Variants in NDUFAF6 observed in about 807,000 individuals in gnomAD.
NDUFAF6 encodes NADH:ubiquinone oxidoreductase complex assembly factor 6.
In NDUFAF6, 45 loss-of-function variants were observed where a neutral mutation model predicts 40.8. The ratio of observed to expected loss-of-function variants is 1.10; its 90% CI spans 0.87 to 1.42. The LOEUF is 1.42. NDUFAF6 is among the 40% of genes most tolerant of loss of function. NDUFAF6 has a pLI of 0.00. For missense variants in NDUFAF6, 435 were observed against 418.5 expected (o/e 1.04, Z -0.34); for synonymous variants, 185 against 155.9 (o/e 1.19, Z -1.39).
rs71273438 is a variant in NDUFAF6 at position 94,946,696 on chromosome 8, C to CAAAAAAAAAAAAAAAAAAAAAAA, written c.-799+1079_-799+1101dup. ...TGGTCAACAGAGTAAGACCCTGTCTCAAAAAAAAAAAAAAAAAAAAAAAAG... is the reference window on the plus strand; with the variant it reads ...TGGTCAACAGAGTAAGACCCTGTCTCAAAAAAAAAAAAAAAAAAAAAAAAAAAAAAAAAAAAAAAAAAAAAAAG... On this transcript the variant is annotated intron_variant, in intron 2 of 14. Transcript: ENST00000396113. 2.4e-3 allele frequency among the ~76,000 whole-genome samples: 84 copies of CAAAAAAAAAAAAAAAAAAAAAAA among 34,690 alleles called. 9 individuals carry two copies. Among genetic ancestry groups the CAAAAAAAAAAAAAAAAAAAAAAA allele is most frequent in the Middle Eastern group, 0.019 (1 of 52 alleles). The allele number at this position is 34,690 out of a possible 152,430, so 22.8% of individuals were successfully genotyped here. A position where few individuals can be genotyped will look rare whatever the true frequency, so the allele number is the denominator to read the frequency against.
chr8:94,934,092 A>T (rs1300018183), intron 1 of NDUFAF6, among the ~76,000 whole-genome samples: 33 of 151,804 alleles, frequency 2.2e-4, no homozygotes, highest in East Asian at 5.8e-4. Flanking sequence ...AAAAAAAAAG[A>T]AGTATATATG....
chr8:95,113,940 G>C (rs1810068318), intron 4 of NDUFAF6, among the ~76,000 whole-genome samples: 1 of 149,086 alleles, frequency 6.7e-6, no homozygotes, highest in Non-Finnish European at 1.5e-5. Context: ...CTCACTCACA[G>C]GTGGGAATTG....
At chr8:95,025,304 G>C in intron 1 of NDUFAF6, 99 bp downstream of exon 1, 1 of 1,208,276 alleles carries the variant, frequency 8.3e-7, no homozygotes, top group South Asian at 2.2e-5. Context: ...CGAGCGGACC[G>C]GCGCCTTCCT....
chr8:94,938,472 G>T (rs766131978), intron 1 of NDUFAF6, among the ~76,000 whole-genome samples: 2 of 152,234 alleles, frequency 1.3e-5, no homozygotes, highest in Non-Finnish European at 2.9e-5. Context: ...TTGACTGGTG[G>T]TTGGCAGCAA....
chr8:95,054,274 C>T (rs981836727), intron 8 of NDUFAF6, among the ~76,000 whole-genome samples: 2 of 151,374 alleles, frequency 1.3e-5, no homozygotes, highest in African/African-American at 4.9e-5. Context: ...TGAGGTGTGG[C>T]TAGGCCTAAA....
At chr8:94,985,486 TATATATATATATATATATATA>T (rs1825758729) in intron 2 of NDUFAF6, among the ~76,000 whole-genome samples, 1 of 5,480 alleles carries the variant, frequency 1.8e-4, no homozygotes, top group African/African-American at 5.6e-4. Flanking sequence ...TATATATATA[TATATATATATATATATATATA>T]TATATATATT....
intron 2 of NDUFAF6, among the ~76,000 whole-genome samples, chr8:95,009,915 C>T (rs565766884): frequency 2.0e-5 from 3 of 152,284 alleles, no homozygotes; most frequent in Admixed American, 6.5e-5. Context: ...TTAACAGTTA[C>T]ACATTTTTGA....
downstream of NDUFAF6, among the ~76,000 whole-genome samples, chr8:95,076,798 G>A (rs1019332416): frequency 3.3e-5 from 5 of 151,880 alleles, no homozygotes; most frequent in Admixed American, 6.6e-5. Context: ...GCTTGAACCC[G>A]GGAGGCAGGG....
chr8:94,962,513 A>C (rs1441337351), intron 1 of NDUFAF6, among the ~76,000 whole-genome samples: 1 of 152,058 alleles, frequency 6.6e-6, no homozygotes, highest in Non-Finnish European at 1.5e-5. Flanking sequence ...GGCTAGTCTC[A>C]AACTCCTGGC....
chr8:94,989,930 G>A (rs605527), intron 2 of NDUFAF6, among the ~76,000 whole-genome samples: 24,906 of 152,114 alleles, frequency 0.16, 2,356 homozygotes, highest in Non-Finnish European at 0.22. Context: ...GGCTCTCACT[G>A]TGTTGCCCAG....
intron 2 of NDUFAF6, among the ~76,000 whole-genome samples, chr8:94,993,070 C>G (rs1563776308): frequency 6.6e-6 from 1 of 152,206 alleles, no homozygotes; most frequent in Admixed American, 6.5e-5. Flanking sequence ...AGTCCAAGAT[C>G]AAGGTGTTTG....
intron 2 of NDUFAF6, among the ~76,000 whole-genome samples, chr8:95,017,238 G>A (rs533534747): frequency 5.8e-4 from 87 of 150,396 alleles, no homozygotes; most frequent in African/African-American, 1.9e-3. Flanking sequence ...ACCACGCCCC[G>A]CCCATCTGGT....
chr8:94,936,985 G>A (rs1301329483), intron 1 of NDUFAF6, among the ~76,000 whole-genome samples: 1 of 152,232 alleles, frequency 6.6e-6, no homozygotes, highest in East Asian at 1.9e-4. Context: ...AGCTGCAAGT[G>A]AGACTAGTGC....
At chr8:94,942,335 C>T (rs1821623219) in intron 1 of NDUFAF6, among the ~76,000 whole-genome samples, 1 of 152,018 alleles carries the variant, frequency 6.6e-6, no homozygotes, top group African/African-American at 2.4e-5. Context: ...CTGCCGCACC[C>T]GCATGCCTTT....
chr8:95,047,046 A>G lies in NDUFAF6; in HGVS notation c.633A>G (p.Gln211=). The G allele has an allele frequency of 1.2e-6, 2 of 1,614,208 alleles. No individual in the cohort carries two copies. Among genetic ancestry groups the G allele is most frequent in the African/African-American group, 1.3e-5 (1 of 75,060 alleles). The stretch of plus-strand genomic sequence containing the variant: ...CTGCAAGTCATATTGGAAAAGCACA[A>G]GGCATTGTCACTTGCTTGAGAGCAA... The part of the protein sequence containing the change: ...DHAASHIGKA[Q]GIVTCLRATP... Residue 211 remains glutamine (Q), a synonymous_variant, in exon 6 of 9, where the codon CAA becomes CAG. Coordinates refer to ENST00000396124, the MANE Select transcript of NDUFAF6 (RefSeq NM_152416.4).
chr8:95,005,900 T>G (rs960854193), intron 2 of NDUFAF6, among the ~76,000 whole-genome samples: 12 of 152,050 alleles, frequency 7.9e-5, no homozygotes, highest in Non-Finnish European at 1.8e-4. Context: ...CAGGAGACAA[T>G]GCAGTTCCAG....
chr8:95,073,828 A>G (rs891470897), intron 9 of NDUFAF6, among the ~76,000 whole-genome samples: 1 of 152,098 alleles, frequency 6.6e-6, no homozygotes, highest in African/African-American at 2.4e-5. Context: ...AGACTTTAAA[A>G]CCTGCCAACC....
At chr8:95,053,627 C>CTTTTTTT (rs200115852) in intron 8 of NDUFAF6, among the ~76,000 whole-genome samples, 1 of 151,248 alleles carries the variant, frequency 6.6e-6, no homozygotes, top group African/African-American at 2.4e-5. Context: ...CTTTCTTTTT[C>CTTTTTTT]TTTCTTTTTT....
upstream of NDUFAF6, among the ~76,000 whole-genome samples, chr8:95,099,700 G>C: frequency 6.6e-6 from 1 of 152,090 alleles, no homozygotes; most frequent in South Asian, 2.1e-4. Context: ...GATTCTTCTT[G>C]GATGTTCTAC....
Sources: gnomAD v4.1 joint callset for allele counts (sites outside exome capture counted in the v4.1 genomes callset) on GRCh38, gnomAD v4.1.1 for gene constraint, MANE v1.5 for transcripts, NCBI Gene and HGNC (gene_info 2026-07-23, HGNC 2026-07-21) for gene names.